The following RPGR variants were observed in gnomAD, a reference collection of about 807,000 sequenced individuals.
RPGR encodes X-linked retinitis pigmentosa GTPase regulator.
RPGR carries 10 observed loss-of-function variants against 56.3 expected under a neutral mutation model. The observed-to-expected ratio is 0.18, with a 90% CI of 0.11 to 0.30. The LOEUF (loss-of-function observed/expected upper bound fraction) is 0.30, where lower values mean the gene tolerates loss of function less well. Ranked by LOEUF, RPGR falls within the 10% of genes least tolerant of loss-of-function variation. The pLI, the probability that RPGR is intolerant of heterozygous loss-of-function variation, is 1.00. For synonymous variants in RPGR, 197 were observed against 212.9 expected, an observed-to-expected ratio of 0.93 and a Z score of 0.65; for missense variants, 538 against 590.9, an observed-to-expected ratio of 0.91 and a Z score of 0.93.
intron 1 of RPGR, 25 bp downstream of exon 1, chrX:38,327,315 C>A: frequency 8.5e-7 from 1 of 1,177,498 alleles, no homozygotes; most frequent in Non-Finnish European, 1.1e-6. Context: ...CCCGGCCTTC[C>A]GCCACCGGCG....
chrX:38,280,215 A>C, intron 15 of RPGR, among the ~76,000 whole-genome samples: 1 of 112,009 alleles, frequency 8.9e-6, no homozygotes, highest in African/African-American at 3.2e-5. Flanking sequence ...TATAAGTATA[A>C]ATAATTTTGT....
rs151019705 is a variant in RPGR at position 38,312,256 on chromosome X, C to T, written c.620-1483G>A. 3.8e-3 allele frequency among the ~76,000 whole-genome samples: 426 copies of T among 111,729 alleles called. 2 individuals are homozygous for T. The highest frequency in any genetic ancestry group is 0.013 in the African/African-American group (408 of 30,755). ...AAAAGTGGTGCCCAGTAAGTTAGCACCCTTCCATTTTCCCATGCTTGTTGC... is the reference window on the plus strand; with the variant it reads ...AAAAGTGGTGCCCAGTAAGTTAGCATCCTTCCATTTTCCCATGCTTGTTGC... On this transcript the variant is annotated intron_variant, in intron 6 of 18. Coordinates refer to ENST00000642395, the MANE Select transcript of RPGR (RefSeq NM_000328.3).
chrX:38,302,281 C>A (rs138500214), intron 8 of RPGR, among the ~76,000 whole-genome samples: 2,222 of 111,387 alleles, frequency 0.02, 38 homozygotes, highest in Middle Eastern at 0.055. Context: ...GAATTTTCCT[C>A]TAGTCTGGGG....
In RPGR at chrX:38,286,953, A is replaced by T. The variant is rs762926089; in HGVS notation, c.1905+141T>A. 4 of 1,197,816 alleles carry T rather than the reference A, an allele frequency of 3.3e-6. No individual in the cohort carries two copies. The South Asian group carries it at 7.1e-5, about 21-fold the overall frequency. On this transcript the variant is annotated intron_variant, in intron 15 of 18. Coordinates refer to ENST00000642395, the MANE Select transcript of RPGR (RefSeq NM_000328.3). ...CTCCTGGCCTCTCCATTTCTCCTCT[A>T]CCCTTGTCTTTCTCCCCCTTCTCCC...
At chrX:38,286,882 T>A in intron 15 of RPGR, 1 of 1,204,791 alleles carries the variant, frequency 8.3e-7, no homozygotes, top group East Asian at 3.0e-5. Flanking sequence ...CTCTTCCCCA[T>A]CCCTCTTCTT....
At chrX:38,286,694 C>G in intron 15 of RPGR, 1 of 1,152,307 alleles carries the variant, frequency 8.7e-7, no homozygotes, top group East Asian at 3.3e-5. Flanking sequence ...TCCTCCTTTT[C>G]ACGTTCTCCC....
intron 15 of RPGR, among the ~76,000 whole-genome samples, chrX:38,280,036 C>T (rs1210145866): frequency 9.0e-6 from 1 of 110,800 alleles, no homozygotes; most frequent in Admixed American, 9.6e-5. Flanking sequence ...CTTTCCAAGC[C>T]TTAATCTAAT....
chrX:38,310,860 A>T, intron 6 of RPGR, 87 bp from the exon 7 acceptor site: 1 of 801,557 alleles, frequency 1.2e-6, no homozygotes, highest in Non-Finnish European at 1.9e-6. Flanking sequence ...TTTGACAAGG[A>T]TCACTTAATA....
chrX:38,324,690 G>T (rs1388804531), intron 1 of RPGR, among the ~76,000 whole-genome samples: 3 of 107,009 alleles, frequency 2.8e-5, no homozygotes, highest in Admixed American at 9.9e-5. Context: ...AGTTGGAAAT[G>T]ATCACTGGCT....
At chrX:38,300,938 G>C (rs767597112) in intron 9 of RPGR, among the ~76,000 whole-genome samples, 14 of 111,704 alleles carry the variant, frequency 1.3e-4, no homozygotes, top group Non-Finnish European at 2.1e-4. Context: ...AAGGTACTCT[G>C]CTGGGTGCTA....
At chrX:38,283,238 G>A (rs2067064470) in intron 15 of RPGR, among the ~76,000 whole-genome samples, 1 of 111,763 alleles carries the variant, frequency 8.9e-6, no homozygotes, top group African/African-American at 3.3e-5. Flanking sequence ...TCGCCCAACA[G>A]TGGGCACAGA....
chrX:38,300,833 C>G (rs2147237340), intron 9 of RPGR, among the ~76,000 whole-genome samples: 1 of 112,437 alleles, frequency 8.9e-6, no homozygotes, highest in South Asian at 3.6e-4. Flanking sequence ...CCGTGCCCTG[C>G]CAAAACGCTT....
intron 17 of RPGR, chrX:38,273,512 C>T (rs2066878798): frequency 9.3e-7 from 1 of 1,072,058 alleles, no homozygotes; most frequent in African/African-American, 1.8e-5. Context: ...CTAGTTTTAA[C>T]TAATAGGAAA....
rs772065386 is a variant in RPGR at position 38,319,135 on chromosome X, C to T, written c.311-148G>A. The T allele has an allele frequency of 1.5e-4, 92 of 595,524 alleles. 1 individual carries two copies. Among genetic ancestry groups the T allele is most frequent in the Non-Finnish European group, 2.3e-4 (88 of 383,228 alleles). The allele number at this position is 595,524 out of a possible 1,213,427, so 49.1% of individuals were successfully genotyped here. A position where few individuals can be genotyped will look rare whatever the true frequency, so the allele number is the denominator to read the frequency against. Reference sequence around the variant, plus strand: ...TATTTGGGAGACAACTTCATTTCATCGTCAAAATAAAGCAAAACAAGCAAG... The same window carrying T: ...TATTTGGGAGACAACTTCATTTCATTGTCAAAATAAAGCAAAACAAGCAAG... On this transcript the variant is annotated intron_variant, in intron 4 of 18. Transcript: ENST00000642395.
At chrX:38,297,753 C>A (rs1379695752) in intron 10 of RPGR, among the ~76,000 whole-genome samples, 1 of 111,554 alleles carries the variant, frequency 9.0e-6, no homozygotes, top group Non-Finnish European at 1.9e-5. Flanking sequence ...TGTAAATTAA[C>A]AACAACTACA....
At chrX:38,310,538 T>TA (rs748869430) in intron 7 of RPGR, 77 bp downstream of exon 7, 12 of 1,004,392 alleles carry the variant, frequency 1.2e-5, no homozygotes, top group East Asian at 3.2e-5. Flanking sequence ...AAAATGAACA[T>TA]AAAAAAAATG....
chrX:38,286,796 GCTC>G, intron 15 of RPGR: 5 of 1,140,833 alleles, frequency 4.4e-6, no homozygotes, highest in Non-Finnish European at 3.5e-6. Flanking sequence ...CCTTCTCCAT[GCTC>G]CTCCTCCCCT....
intron 11 of RPGR, chrX:38,296,036 G>C (rs1481968629): frequency 1.8e-5 from 2 of 112,200 alleles, no homozygotes; most frequent in Admixed American, 9.5e-5. Context: ...GCCATTGGCC[G>C]GGCGTGGTGG....
intron 15 of RPGR, chrX:38,285,632 G>A (rs200556302): frequency 8.3e-7 from 1 of 1,209,026 alleles, no homozygotes; most frequent in African/African-American, 1.8e-5. Context: ...GACTGGACTG[G>A]CATTTTGGAC....
Sources: gnomAD v4.1 joint callset for allele counts (sites outside exome capture counted in the v4.1 genomes callset) on GRCh38, gnomAD v4.1.1 for gene constraint, MANE v1.5 for transcripts, NCBI Gene and HGNC (gene_info 2026-07-23, HGNC 2026-07-21) for gene names.